Variants in HYCC1 observed in about 807,000 individuals in gnomAD.
HYCC1 encodes the protein hyccin.
chr7:22,916,319 C>G, the HYCC1 span, among the ~76,000 whole-genome samples: 1 of 152,068 alleles, frequency 6.6e-6, no homozygotes, highest in South Asian at 2.1e-4. Context: ...TCCTAAATAC[C>G]TCCCTCCACA....
the HYCC1 span, among the ~76,000 whole-genome samples, chr7:22,974,969 C>T: frequency 6.6e-6 from 1 of 152,310 alleles, no homozygotes; most frequent in East Asian, 1.9e-4. Context: ...TTACTTTCCA[C>T]CATGATTGTG....
At chr7:22,898,543 G>A in the HYCC1 span, among the ~76,000 whole-genome samples, 3 of 150,478 alleles carry the variant, frequency 2.0e-5, no homozygotes, top group South Asian at 4.3e-4. Flanking sequence ...GACAGGGCAG[G>A]GTTTCCCCAT....
chr7:22,905,726 T>C, the HYCC1 span, among the ~76,000 whole-genome samples: 6 of 152,180 alleles, frequency 3.9e-5, no homozygotes, highest in African/African-American at 1.2e-4. Flanking sequence ...TGCATTCTGG[T>C]TTTTCACATA....
At chr7:22,898,696 G>A in the HYCC1 span, among the ~76,000 whole-genome samples, 1 of 148,810 alleles carries the variant, frequency 6.7e-6, no homozygotes, top group South Asian at 2.1e-4. Context: ...TCCACCTCCC[G>A]GGTTCAGGTG....
chr7:22,977,635 T>C, the HYCC1 span, among the ~76,000 whole-genome samples: 1 of 152,302 alleles, frequency 6.6e-6, no homozygotes, highest in East Asian at 1.9e-4. Context: ...GTAACAAATT[T>C]TCAGGATGGC....
At chr7:22,971,677 C>CAAAAAA in the HYCC1 span, among the ~76,000 whole-genome samples, 1 of 91,922 alleles carries the variant, frequency 1.1e-5, no homozygotes, top group African/African-American at 4.3e-5. Flanking sequence ...CCCCATCTCA[C>CAAAAAA]AAAAAAAAAA....
the HYCC1 span, among the ~76,000 whole-genome samples, chr7:23,010,899 A>C: frequency 6.6e-6 from 1 of 152,178 alleles, no homozygotes; most frequent in Non-Finnish European, 1.5e-5. Flanking sequence ...AGTCTCACTT[A>C]AGCATGTCTA....
At chr7:23,001,613 G>T in the HYCC1 span, among the ~76,000 whole-genome samples, 1 of 152,134 alleles carries the variant, frequency 6.6e-6, no homozygotes, top group African/African-American at 2.4e-5. Context: ...AAAGAACATG[G>T]TAGGGTACTG....
chr7:22,927,131 C>T, the HYCC1 span, among the ~76,000 whole-genome samples: 2 of 151,936 alleles, frequency 1.3e-5, no homozygotes, highest in Admixed American at 1.3e-4. Flanking sequence ...TCTTTGAAAC[C>T]AACGAGAACA....
At chr7:22,950,975 TTTTA>T in the HYCC1 span, among the ~76,000 whole-genome samples, 1 of 151,722 alleles carries the variant, frequency 6.6e-6, no homozygotes, top group African/African-American at 2.4e-5. Context: ...TCAGGATATA[TTTTA>T]TTTGTGTAAC....
the HYCC1 span, chr7:22,976,433 C>G: frequency 2.7e-5 from 19 of 710,274 alleles, no homozygotes; most frequent in South Asian, 3.0e-4. Context: ...ATAAGCACAC[C>G]AATAATGAAA....
chr7:22,947,311 A>T, the HYCC1 span: 1 of 1,394,022 alleles, frequency 7.2e-7, no homozygotes, highest in Non-Finnish European at 9.8e-7. Flanking sequence ...GAAATGAGAA[A>T]AGCAAAAGAC....
At chr7:22,987,422 C>A in the HYCC1 span, among the ~76,000 whole-genome samples, 1 of 152,162 alleles carries the variant, frequency 6.6e-6, no homozygotes, top group African/African-American at 2.4e-5. Context: ...GTGGTGCACA[C>A]CTGTAATCCC....
At chr7:22,975,974 G>A in the HYCC1 span, among the ~76,000 whole-genome samples, 36,904 of 152,112 alleles carry the variant, frequency 0.24, 5,210 homozygotes, top group Non-Finnish European at 0.32. Flanking sequence ...CCCACCTCAG[G>A]TTCTCAAAGT....
the HYCC1 span, among the ~76,000 whole-genome samples, chr7:22,913,124 T>TG: frequency 9.0e-6 from 1 of 110,834 alleles, no homozygotes; most frequent in Non-Finnish European, 2.1e-5. Flanking sequence ...AACTCCATCT[T>TG]GGAAAAAAAA....
the HYCC1 span, chr7:22,939,842 G>A: frequency 3.9e-5 from 6 of 152,114 alleles, no homozygotes; most frequent in African/African-American, 7.2e-5. Context: ...GCACTTTATA[G>A]GATGATTTTG....
chr7:22,997,042 G>A, the HYCC1 span, among the ~76,000 whole-genome samples: 1 of 151,864 alleles, frequency 6.6e-6, no homozygotes, highest in African/African-American at 2.4e-5. Context: ...AGGCTTGCTA[G>A]GAGTCTATGT....
the HYCC1 span, chr7:22,940,963 T>C: frequency 6.6e-6 from 1 of 151,968 alleles, no homozygotes. Context: ...AAGGACAAAG[T>C]GATGTTACCT....
At chr7:22,909,494 C>A in the HYCC1 span, among the ~76,000 whole-genome samples, 1 of 152,166 alleles carries the variant, frequency 6.6e-6, no homozygotes, top group Non-Finnish European at 1.5e-5. Context: ...CCTAACACAC[C>A]ACTCCACGCA....
Sources: gnomAD v4.1 joint callset for allele counts (sites outside exome capture counted in the v4.1 genomes callset) on GRCh38, gnomAD v4.1.1 for gene constraint, MANE v1.5 for transcripts, NCBI Gene and HGNC (gene_info 2026-07-23, HGNC 2026-07-21) for gene names.